Variants in SAMSN1 observed in about 807,000 individuals in gnomAD.
The protein encoded by SAMSN1 is SAM domain, SH3 domain and nuclear localization signals 1.
In SAMSN1, 31 loss-of-function variants were observed where a neutral mutation model predicts 42.0. That is an observed-to-expected ratio of 0.74 (90% confidence interval 0.55 to 1.00). SAMSN1 has a LOEUF of 1.00. Ranked by LOEUF, SAMSN1 falls within the 50% of genes least tolerant of loss-of-function variation. The pLI is 0.00. For missense variants in SAMSN1, 464 were observed against 439.4 expected, an observed-to-expected ratio of 1.06 and a Z score of -0.50; for synonymous variants, 178 against 151.9, an observed-to-expected ratio of 1.17 and a Z score of -1.26.
chr21:14,521,055 A>G, intron 2 of SAMSN1, 95 bp downstream of exon 2: 2 of 760,722 alleles, frequency 2.6e-6, no homozygotes, highest in South Asian at 3.5e-5. Context: ...AAATGTATTC[A>G]TTTTTCTTAT....
chr21:14,525,377 C>T (rs1225914558), intron 1 of SAMSN1, among the ~76,000 whole-genome samples: 2 of 151,952 alleles, frequency 1.3e-5, no homozygotes, highest in African/African-American at 2.4e-5. Context: ...TACAGTCAGT[C>T]GGAAAAAATA....
At chr21:14,637,132 A>T (rs938097390) in intron 2 of SAMSN1, among the ~76,000 whole-genome samples, 42 of 152,354 alleles carry the variant, frequency 2.8e-4, no homozygotes, top group African/African-American at 9.6e-4. Context: ...AGTGCTTAAT[A>T]TGTGGCTGAT....
intron 1 of SAMSN1, among the ~76,000 whole-genome samples, chr21:14,539,908 A>C (rs1490278091): frequency 6.6e-6 from 1 of 152,208 alleles, no homozygotes; most frequent in East Asian, 1.9e-4. Context: ...ACAAGACTAC[A>C]GTAACAAAAC....
At chr21:14,527,765 A>T (rs1978966650) in intron 1 of SAMSN1, among the ~76,000 whole-genome samples, 1 of 93,120 alleles carries the variant, frequency 1.1e-5, no homozygotes. Context: ...AGAACTAAAA[A>T]AAAAAAAAAA....
At chr21:14,605,716 G>A (rs1982545573) in intron 5 of SAMSN1, among the ~76,000 whole-genome samples, 1 of 152,002 alleles carries the variant, frequency 6.6e-6, no homozygotes, top group Admixed American at 6.5e-5. Flanking sequence ...AATTCAAATG[G>A]TGGACTAGAG....
At chr21:14,588,139 T>C, upstream of SAMSN1, among the ~76,000 whole-genome samples, 2 of 137,314 alleles carry the variant, frequency 1.5e-5, no homozygotes, top group African/African-American at 5.5e-5. Flanking sequence ...CTTAATCCAG[T>C]CTATCATTGT....
chr21:14,533,546 G>A (rs1266338948), intron 1 of SAMSN1, among the ~76,000 whole-genome samples: 5 of 152,150 alleles, frequency 3.3e-5, no homozygotes, highest in East Asian at 1.9e-4. Context: ...CAAGTATCAC[G>A]TCTCTATGTC....
intron 2 of SAMSN1, among the ~76,000 whole-genome samples, chr21:14,518,945 T>C (rs927866115): frequency 6.6e-6 from 1 of 152,198 alleles, no homozygotes; most frequent in African/African-American, 2.4e-5. Context: ...TTACTACTTG[T>C]GTTACTCTAC....
intron 2 of SAMSN1, among the ~76,000 whole-genome samples, chr21:14,566,470 A>G (rs1041965454): frequency 3.3e-5 from 5 of 152,106 alleles, no homozygotes; most frequent in South Asian, 2.1e-4. Context: ...AAATTACTGC[A>G]TTTTACAAAG....
chr21:14,628,117 C>T (rs181488993), intron 2 of SAMSN1, among the ~76,000 whole-genome samples: 142 of 152,162 alleles, frequency 9.3e-4, no homozygotes, highest in African/African-American at 3.4e-3. Context: ...CAAATATACA[C>T]GATGAAACAC....
At chr21:14,627,992 C>T (rs561323367) in intron 2 of SAMSN1, among the ~76,000 whole-genome samples, 7 of 152,156 alleles carry the variant, frequency 4.6e-5, no homozygotes, top group African/African-American at 1.7e-4. Context: ...AAAAGTGAGA[C>T]AAAGTTTGCT....
At chr21:14,651,250 T>TTC (rs1983831314) in intron 1 of SAMSN1, among the ~76,000 whole-genome samples, 1 of 151,434 alleles carries the variant, frequency 6.6e-6, no homozygotes, top group Admixed American at 6.6e-5. Flanking sequence ...TACAGGCCAA[T>TTC]ATTTCTGATG....
At chr21:14,540,548 G>A (rs539184128) in intron 1 of SAMSN1, among the ~76,000 whole-genome samples, 2,686 of 152,214 alleles carry the variant, frequency 0.018, 38 homozygotes, top group Non-Finnish European at 0.026. Flanking sequence ...ATCATCACTG[G>A]CCATCAGAGA....
intron 6 of SAMSN1, chr21:14,594,206 C>G (rs2123280637): frequency 1.7e-6 from 1 of 588,930 alleles, no homozygotes; most frequent in Non-Finnish European, 3.0e-6. Context: ...AAATAATTAT[C>G]TTGTTATCAA....
chr21:14,612,440 A>G (rs889695709), intron 4 of SAMSN1: 20 of 267,132 alleles, frequency 7.5e-5, no homozygotes, highest in Non-Finnish European at 1.2e-4. Flanking sequence ...TATGAATGCT[A>G]TCACAGAAAC....
intron 4 of SAMSN1, among the ~76,000 whole-genome samples, chr21:14,511,694 A>AAAAAG (rs1161181634): frequency 6.6e-6 from 1 of 152,238 alleles, no homozygotes; most frequent in African/African-American, 2.4e-5. Context: ...GTCTACATAC[A>AAAAAG]AAAAGTCATA....
intron 2 of SAMSN1, chr21:14,582,070 CT>C (rs1981749564): frequency 1.5e-6 from 2 of 1,369,966 alleles, no homozygotes; most frequent in Admixed American, 5.6e-5. Context: ...CTTTTGCTAT[CT>C]GTTTCTTTCC....
At chr21:14,590,498 G>T (rs190911089) in intron 7 of SAMSN1, among the ~76,000 whole-genome samples, 5 of 152,234 alleles carry the variant, frequency 3.3e-5, no homozygotes, top group African/African-American at 1.2e-4. Flanking sequence ...GCCCAGGCTT[G>T]TCTTGAACTC....
intron 2 of SAMSN1, among the ~76,000 whole-genome samples, chr21:14,634,473 A>G (rs745723786): frequency 7.2e-5 from 11 of 152,188 alleles, no homozygotes; most frequent in Non-Finnish European, 1.2e-4. Flanking sequence ...TCCAAGAAAA[A>G]AAAATAAACA....
Sources: gnomAD v4.1 joint callset for allele counts (sites outside exome capture counted in the v4.1 genomes callset) on GRCh38, gnomAD v4.1.1 for gene constraint, MANE v1.5 for transcripts, NCBI Gene and HGNC (gene_info 2026-07-23, HGNC 2026-07-21) for gene names.